MAP3K14: variants seen among roughly 807,000 people sequenced by gnomAD.
MAP3K14 encodes mitogen-activated protein kinase kinase kinase 14.
Under a neutral mutation model 99.2 loss-of-function variants are expected in MAP3K14, and 16 were observed. The observed-to-expected ratio is 0.16, with a 90% confidence interval of 0.11 to 0.24. The LOEUF (loss-of-function observed/expected upper bound fraction) is 0.24, where lower values mean the gene tolerates loss of function less well. MAP3K14 is among the 10% of genes least tolerant of loss of function. The pLI is 1.00. For synonymous variants in MAP3K14, 462 were observed against 492.4 expected, an observed-to-expected ratio of 0.94 and a Z score of 0.82; for missense variants, 784 against 1,208.7, an observed-to-expected ratio of 0.65 and a Z score of 5.21.
chr17:45,314,849 GA>G (rs917020584), intron 1 of MAP3K14, among the ~76,000 whole-genome samples: 1 of 151,746 alleles, frequency 6.6e-6, no homozygotes, highest in African/African-American at 2.4e-5. Context: ...ATTGAGACAG[GA>G]AAAAAAATAG....
chr17:45,293,316 C>A (rs1337981689), intron 1 of MAP3K14, among the ~76,000 whole-genome samples: 1 of 152,146 alleles, frequency 6.6e-6, no homozygotes, highest in Admixed American at 6.5e-5. Context: ...CTGGCATGGC[C>A]CAACGGAGGC....
intron 1 of MAP3K14, among the ~76,000 whole-genome samples, chr17:45,311,286 C>T (rs1177525391): frequency 1.3e-5 from 2 of 152,150 alleles, no homozygotes; most frequent in Non-Finnish European, 2.9e-5. Flanking sequence ...ACTGGTTGGT[C>T]CAGACTGATG....
intron 1 of MAP3K14, among the ~76,000 whole-genome samples, chr17:45,302,608 A>C (rs1431133893): frequency 6.6e-6 from 1 of 152,058 alleles, no homozygotes; most frequent in Non-Finnish European, 1.5e-5. Context: ...GTGCCCGGCC[A>C]AGTATTACTT....
At chr17:45,275,410 A>G (rs545740513) in intron 6 of MAP3K14, among the ~76,000 whole-genome samples, 2 of 150,948 alleles carry the variant, frequency 1.3e-5, no homozygotes, top group East Asian at 3.9e-4. Context: ...GGAGGTTGCA[A>G]TGAGCCAAGG....
chr17:45,267,042 G>T lies in MAP3K14; in HGVS notation c.2433+50C>A. The T allele has an allele frequency of 1.5e-6, 2 of 1,375,112 alleles. No individual in the cohort carries two copies. Among genetic ancestry groups the T allele is most frequent in the South Asian group, 1.2e-5 (1 of 80,478 alleles). 85.2% of individuals were successfully genotyped at this position (1,375,112 alleles called of 1,614,324 possible). A position where few individuals can be genotyped will look rare whatever the true frequency, so the allele number is the denominator to read the frequency against. On this transcript the variant is annotated intron_variant, in intron 13 of 15. Coordinates refer to ENST00000344686, the MANE Select transcript of MAP3K14 (RefSeq NM_003954.5). This position sits in a 1 kb window ranked among gnomAD's most constrained non-coding sequence, Gnocchi z 5.1. ...AAGCTACTTGCTCTGTGCCAGGGCC[G>T]GGAAAACCACACCCCTGGAGCCATG...
At chr17:45,293,837 GCACA>G (rs1428446888) in intron 1 of MAP3K14, among the ~76,000 whole-genome samples, 1 of 151,876 alleles carries the variant, frequency 6.6e-6, no homozygotes, top group East Asian at 1.9e-4. Context: ...ACACACACAT[GCACA>G]CACAGACACA....
rs1055157291 is a variant in MAP3K14, at chr17:45,264,444, G to A, written c.*192C>T. 4.0e-5 allele frequency: 25 copies of A among 627,818 alleles called. No homozygotes were observed. The highest frequency in any genetic ancestry group is 6.2e-5 in the Non-Finnish European group (23 of 372,866). The allele number at this position is 627,818 out of a possible 1,614,324, so 38.9% of individuals were successfully genotyped here. ...CGGAGTGTTTTCTCAGCAGGGTGGG[G>A]CAGGGCTCAGGTGTGAAATCCTGGG... On this transcript the variant is annotated 3_prime_UTR_variant, in exon 16 of 16. Transcript: ENST00000344686.
intron 1 of MAP3K14, among the ~76,000 whole-genome samples, chr17:45,312,580 T>C (rs1437903399): frequency 6.6e-6 from 1 of 152,142 alleles, no homozygotes; most frequent in Non-Finnish European, 1.5e-5. Flanking sequence ...AAAACAAACG[T>C]TTTTCTTTCA....
At chr17:45,306,660 T>G (rs2044432944) in intron 1 of MAP3K14, among the ~76,000 whole-genome samples, 1 of 152,228 alleles carries the variant, frequency 6.6e-6, no homozygotes. Flanking sequence ...TAACAAAGAC[T>G]CGAGCATCAT....
At chr17:45,268,023 T>C in intron 11 of MAP3K14, 1 of 422,118 alleles carries the variant, frequency 2.4e-6, no homozygotes, top group Non-Finnish European at 4.2e-6. Context: ...CAGTAGCAAA[T>C]TCAAAAACTA....
chr17:45,287,049 C>G lies in MAP3K14; in HGVS notation c.538-4G>C, dbSNP rs534556740. ...CGCCGAGTGGAGACTCATCCTCCTG[C>G]GGGGGGAAACACAGCTATCAGCACA... is the stretch of plus-strand genomic sequence containing the variant. On this transcript the variant is annotated splice_polypyrimidine_tract_variant and splice_region_variant and intron_variant, in intron 4 of 15. Coordinates refer to ENST00000344686, the MANE Select transcript of MAP3K14 (RefSeq NM_003954.5). The G allele has an allele frequency of 6.8e-5, 109 of 1,609,160 alleles. No homozygotes were observed. Among genetic ancestry groups the G allele is most frequent in the Middle Eastern group, 3.3e-4 (2 of 6,044 alleles).
At chr17:45,314,264 T>G (rs1338994288) in intron 1 of MAP3K14, among the ~76,000 whole-genome samples, 1 of 152,232 alleles carries the variant, frequency 6.6e-6, no homozygotes, top group African/African-American at 2.4e-5. Context: ...GCTACTACTT[T>G]CAGCATTTTA....
chr17:45,274,001 C>T, intron 8 of MAP3K14, 122 bp downstream of exon 8: 1 of 1,172,806 alleles, frequency 8.5e-7, no homozygotes, highest in South Asian at 1.5e-5. Context: ...ACAGTCCTGT[C>T]AGCCTGACTC....
chr17:45,280,336 C>T lies in MAP3K14; in HGVS notation c.1290+4476G>A, dbSNP rs555181756. 1.1e-4 allele frequency among the ~76,000 whole-genome samples: 14 copies of T among 131,406 alleles called. No individual in the cohort carries two copies. The East Asian group carries it at 2.0e-3, about 18-fold the overall frequency. The allele number at this position is 131,406 out of a possible 152,430, so 86.2% of individuals were successfully genotyped here. The stretch of plus-strand genomic sequence containing the variant: ...TTTTTTTTTTTGAGACAGAGTCTTG[C>T]TCTGTCGCCCAGGCTGGACTGCAGT... On this transcript the variant is annotated intron_variant, in intron 6 of 15. Transcript: ENST00000344686.
At chr17:45,306,958 T>G (rs8065182) in intron 1 of MAP3K14, among the ~76,000 whole-genome samples, 1 of 152,172 alleles carries the variant, frequency 6.6e-6, no homozygotes, top group African/African-American at 2.4e-5. Context: ...TAATGTATAT[T>G]GTATAAAAAA....
At chr17:45,290,162 C>T (rs370250317) in intron 2 of MAP3K14, among the ~76,000 whole-genome samples, 24 of 152,138 alleles carry the variant, frequency 1.6e-4, no homozygotes, top group African/African-American at 4.6e-4. Context: ...CTGTCTGGAG[C>T]CTCTCCAGAC....
intron 1 of MAP3K14, among the ~76,000 whole-genome samples, chr17:45,308,881 G>C (rs1205145107): frequency 6.6e-6 from 1 of 152,098 alleles, no homozygotes; most frequent in African/African-American, 2.4e-5. Flanking sequence ...TGGCCAGGCT[G>C]GTCTTGACCT....
At chr17:45,275,489 AAAAAAC>A (rs756151637) in intron 6 of MAP3K14, among the ~76,000 whole-genome samples, 34,093 of 145,314 alleles carry the variant, frequency 0.23, 4,312 homozygotes, top group East Asian at 0.36. Context: ...TCTCAAAAAA[AAAAAAC>A]AAAAAAAAAC....
chr17:45,305,217 C>A (rs1371323676), intron 1 of MAP3K14, among the ~76,000 whole-genome samples: 1 of 151,990 alleles, frequency 6.6e-6, no homozygotes. Context: ...CCAGCCTCAG[C>A]CTCCTGAGTA....
Sources: gnomAD v4.1 joint callset for allele counts (sites outside exome capture counted in the v4.1 genomes callset) on GRCh38, gnomAD v4.1.1 for gene constraint, Gnocchi (gnomAD v3.1) non-coding constraint, MANE v1.5 for transcripts, NCBI Gene and HGNC (gene_info 2026-07-23, HGNC 2026-07-21) for gene names.